Variants in AHCYL2 observed in about 807,000 individuals in gnomAD.
AHCYL2 encodes adenosylhomocysteinase like 2.
In AHCYL2, 28 loss-of-function variants were observed where a neutral mutation model predicts 81.4. The ratio of observed to expected loss-of-function variants is 0.34; its 90% CI spans 0.25 to 0.47. AHCYL2 has a LOEUF of 0.47. Ranked by LOEUF, AHCYL2 falls within the 20% of genes least tolerant of loss-of-function variation. The pLI is 1.00. For synonymous variants in AHCYL2, 272 were observed against 290.2 expected, an observed-to-expected ratio of 0.94 and a Z score of 0.64; for missense variants, 551 against 785.1, an observed-to-expected ratio of 0.70 and a Z score of 3.56.
At chr7:129,260,086 A>T (rs995201106) in intron 1 of AHCYL2, among the ~76,000 whole-genome samples, 7 of 152,116 alleles carry the variant, frequency 4.6e-5, no homozygotes, top group African/African-American at 1.7e-4. Context: ...CAAAAAAAAA[A>T]AAAAAAAGCT....
chr7:129,303,415 T>A (rs2150765810), intron 1 of AHCYL2, among the ~76,000 whole-genome samples: 1 of 152,330 alleles, frequency 6.6e-6, no homozygotes, highest in African/African-American at 2.4e-5. Context: ...AATTTATCCA[T>A]TTCTTCTAGG....
intron 1 of AHCYL2, among the ~76,000 whole-genome samples, chr7:129,232,660 A>G (rs1330527389): frequency 2.0e-5 from 3 of 152,178 alleles, no homozygotes; most frequent in African/African-American, 7.2e-5. Context: ...TCTTTACAAT[A>G]TCCCCCTCCT....
intron 1 of AHCYL2, among the ~76,000 whole-genome samples, chr7:129,346,270 A>G (rs1232289624): frequency 1.3e-5 from 2 of 152,152 alleles, no homozygotes; most frequent in Non-Finnish European, 2.9e-5. Flanking sequence ...GTTTCCTACT[A>G]TGTGCCTTGA....
intron 1 of AHCYL2, among the ~76,000 whole-genome samples, chr7:129,294,959 C>G (rs1797003268): frequency 6.6e-6 from 1 of 152,146 alleles, no homozygotes; most frequent in Admixed American, 6.5e-5. Context: ...TAAAACTTTA[C>G]CAATGTAAAG....
intron 1 of AHCYL2, among the ~76,000 whole-genome samples, chr7:129,245,861 A>G (rs1317025851): frequency 3.9e-5 from 6 of 152,216 alleles, no homozygotes; most frequent in African/African-American, 1.4e-4. Flanking sequence ...TGTTGGTTGT[A>G]TACCCAGAAA....
intron 1 of AHCYL2, chr7:129,375,672 CTTAT>C: frequency 7.3e-7 from 1 of 1,376,548 alleles, no homozygotes; most frequent in South Asian, 1.9e-5. Context: ...ACAGAAATGC[CTTAT>C]TAAATTGGGG....
At chr7:129,240,409 G>A (rs375868518) in intron 1 of AHCYL2, among the ~76,000 whole-genome samples, 22 of 151,772 alleles carry the variant, frequency 1.4e-4, no homozygotes, top group South Asian at 4.1e-4. Context: ...AGGTTTTCAT[G>A]GAGCGTGAAT....
At chr7:129,266,206 A>G (rs758184930) in intron 1 of AHCYL2, among the ~76,000 whole-genome samples, 2 of 152,214 alleles carry the variant, frequency 1.3e-5, no homozygotes, top group Non-Finnish European at 2.9e-5. Context: ...GACTGTTAAC[A>G]ATTACAAAGT....
At chr7:129,325,982 G>T (rs933562231) in intron 1 of AHCYL2, among the ~76,000 whole-genome samples, 2 of 152,224 alleles carry the variant, frequency 1.3e-5, no homozygotes, top group Admixed American at 6.5e-5. Context: ...TGGGATTACA[G>T]GTGTGAGCCA....
At chr7:129,421,695 T>G (rs907733727) in intron 12 of AHCYL2, among the ~76,000 whole-genome samples, 33 of 152,242 alleles carry the variant, frequency 2.2e-4, no homozygotes, top group Non-Finnish European at 4.4e-5. Flanking sequence ...GAAATATAAT[T>G]GTATATGTCT....
intron 1 of AHCYL2, among the ~76,000 whole-genome samples, chr7:129,287,488 G>A (rs373314591): frequency 4.6e-5 from 7 of 152,302 alleles, no homozygotes; most frequent in South Asian, 4.1e-4. Context: ...GCACTGTACC[G>A]GGAGTAAGTC....
At chr7:129,242,491 G>A (rs948548955) in intron 1 of AHCYL2, among the ~76,000 whole-genome samples, 4 of 152,172 alleles carry the variant, frequency 2.6e-5, no homozygotes, top group African/African-American at 9.7e-5. Context: ...GCCAAGGGGG[G>A]CGGATCACGA....
chr7:129,259,066 G>GA (rs1795527175), intron 1 of AHCYL2, among the ~76,000 whole-genome samples: 1 of 152,098 alleles, frequency 6.6e-6, no homozygotes, highest in African/African-American at 2.4e-5. Flanking sequence ...TATAAAATAG[G>GA]AAATGAATCT....
At chr7:129,264,256 C>T (rs914324016) in intron 1 of AHCYL2, among the ~76,000 whole-genome samples, 5 of 152,152 alleles carry the variant, frequency 3.3e-5, no homozygotes, top group African/African-American at 7.2e-5. Flanking sequence ...CTCCTGACCT[C>T]GTGATCCACC....
intron 1 of AHCYL2, among the ~76,000 whole-genome samples, chr7:129,356,053 A>G (rs1395632481): frequency 6.6e-6 from 1 of 152,170 alleles, no homozygotes; most frequent in Non-Finnish European, 1.5e-5. Flanking sequence ...ACTCACATAT[A>G]TATTATAGGA....
intron 2 of AHCYL2, among the ~76,000 whole-genome samples, chr7:129,385,503 G>A (rs1183028108): frequency 1.3e-5 from 2 of 152,180 alleles, no homozygotes; most frequent in African/African-American, 4.8e-5. Flanking sequence ...TCATCATGCT[G>A]TCTTTTGATT....
At chr7:129,374,599 G>A (rs1794581772) in intron 1 of AHCYL2, among the ~76,000 whole-genome samples, 1 of 151,810 alleles carries the variant, frequency 6.6e-6, no homozygotes, top group African/African-American at 2.4e-5. Flanking sequence ...CTTGAGGTCT[G>A]GAGTTCAAGA....
At chr7:129,364,183 ACAT>A (rs1197207247) in intron 1 of AHCYL2, among the ~76,000 whole-genome samples, 1 of 152,184 alleles carries the variant, frequency 6.6e-6, no homozygotes, top group Non-Finnish European at 1.5e-5. Context: ...AGCAATGATC[ACAT>A]CACTGCACCT....
chr7:129,266,045 G>C (rs556872073), intron 1 of AHCYL2, among the ~76,000 whole-genome samples: 1 of 152,188 alleles, frequency 6.6e-6, no homozygotes, highest in Non-Finnish European at 1.5e-5. Flanking sequence ...TGTCCAAAAT[G>C]AGGATAATTG....
Sources: gnomAD v4.1 joint callset for allele counts (sites outside exome capture counted in the v4.1 genomes callset) on GRCh38, gnomAD v4.1.1 for gene constraint, MANE v1.5 for transcripts, NCBI Gene and HGNC (gene_info 2026-07-23, HGNC 2026-07-21) for gene names.